The following ULK4 variants were observed in gnomAD, a reference collection of about 807,000 sequenced individuals.
ULK4 encodes the protein inactive serine/threonine-protein kinase ULK4.
In ULK4, 133 loss-of-function variants were observed where a neutral mutation model predicts 160.6. That is an observed-to-expected ratio of 0.83 (90% CI 0.72 to 0.96). The LOEUF is 0.96. Among genes scored for constraint, ULK4 ranks in the 40% least tolerant of loss-of-function variants. The pLI, the probability that ULK4 is intolerant of heterozygous loss-of-function variation, is 0.00. For synonymous variants in ULK4, 534 were observed against 539.8 expected (o/e 0.99, Z 0.15); for missense variants, 1,580 against 1,499.5 (o/e 1.05, Z -0.89).
At chr3:41,650,943 T>C (rs1421592958) in intron 30 of ULK4, among the ~76,000 whole-genome samples, 1 of 152,142 alleles carries the variant, frequency 6.6e-6, no homozygotes, top group Non-Finnish European at 1.5e-5. Context: ...TAAAAACAAA[T>C]GAAAAACCTC....
intron 31 of ULK4, among the ~76,000 whole-genome samples, chr3:41,580,364 A>C (rs1422801708): frequency 6.6e-6 from 1 of 151,516 alleles, no homozygotes; most frequent in Non-Finnish European, 1.5e-5. Flanking sequence ...TAACAAGTTA[A>C]ACCAATTATT....
intron 32 of ULK4, among the ~76,000 whole-genome samples, chr3:41,544,973 C>T (rs536895112): frequency 1.2e-4 from 19 of 152,312 alleles, no homozygotes; most frequent in African/African-American, 4.1e-4. Context: ...ACTGTTCTTA[C>T]TGAGATTCAT....
chr3:41,552,336 T>A lies in ULK4; in HGVS notation c.3226+13689A>T, dbSNP rs755318336. On this transcript the variant is annotated intron_variant, in intron 32 of 36. Coordinates refer to ENST00000301831, the MANE Select transcript of ULK4 (RefSeq NM_017886.4). Reference sequence around the variant, plus strand: ...AAGTCGAATTGTCCCTCTTTGCTAATGATATAATCTTATATCTAAAAATAA... The same window carrying A: ...AAGTCGAATTGTCCCTCTTTGCTAAAGATATAATCTTATATCTAAAAATAA... Among the ~76,000 whole-genome samples, 6 of 152,158 alleles carry A rather than the reference T, an allele frequency of 3.9e-5. 1 individual carries two copies. The Middle Eastern group carries it at 0.014, about 345-fold the overall frequency.
chr3:41,883,065 A>T (rs1028423518), intron 17 of ULK4, among the ~76,000 whole-genome samples: 4 of 152,200 alleles, frequency 2.6e-5, no homozygotes, highest in Non-Finnish European at 4.4e-5. Flanking sequence ...GGAAATAGAG[A>T]TGGAATTGTA....
At chr3:41,321,509 C>T (rs1055251450) in intron 35 of ULK4, among the ~76,000 whole-genome samples, 1 of 152,060 alleles carries the variant, frequency 6.6e-6, no homozygotes, top group African/African-American at 2.4e-5. Flanking sequence ...GGGCAGGAGA[C>T]TCCCCACACC....
chr3:41,249,627 T>G, intron 35 of ULK4, 53 bp from the exon 36 acceptor site: 1 of 1,568,394 alleles, frequency 6.4e-7, no homozygotes, highest in Non-Finnish European at 8.7e-7. Context: ...CCCTGACTCA[T>G]GCCCTGTTGG....
chr3:41,767,394 CAAT>C (rs2039203359), intron 21 of ULK4, among the ~76,000 whole-genome samples: 1 of 152,054 alleles, frequency 6.6e-6, no homozygotes, highest in Non-Finnish European at 1.5e-5. Flanking sequence ...AAAAAATCTA[CAAT>C]GTTTATAAAA....
At chr3:41,409,029 G>A (rs2082355825) in intron 34 of ULK4, among the ~76,000 whole-genome samples, 2 of 152,260 alleles carry the variant, frequency 1.3e-5, no homozygotes. Flanking sequence ...GCAAAGGCAA[G>A]TGGACTGCAT....
At chr3:41,825,206 G>C (rs890066692) in intron 18 of ULK4, among the ~76,000 whole-genome samples, 1 of 138,450 alleles carries the variant, frequency 7.2e-6, no homozygotes, top group African/African-American at 3.1e-5. Context: ...AAACCACAAA[G>C]ATGGAAAAAA....
At chr3:41,791,290 G>A (rs114854097) in intron 20 of ULK4, among the ~76,000 whole-genome samples, 1,896 of 151,962 alleles carry the variant, frequency 0.012, 36 homozygotes, top group African/African-American at 0.041. Context: ...CACCGCATCT[G>A]GCCTATTTGT....
chr3:41,741,462 T>C (rs1415775390), intron 22 of ULK4, among the ~76,000 whole-genome samples: 1 of 151,968 alleles, frequency 6.6e-6, no homozygotes, highest in Non-Finnish European at 1.5e-5. Context: ...CATTATTTAT[T>C]GAAGCATTTC....
In ULK4 at chr3:41,896,935, C is replaced by T. The variant is rs1698180023; in HGVS notation, c.1417G>A (p.Asp473Asn). ...DFLQQVCSQI[D>N]STEKSMGASR... Reference sequence around the variant, plus strand: ...GCCCCCATGCTCTTCTCAGTGGAGTCGATCTGCGAGCACACTTGTTGCAAA... The same window carrying T: ...GCCCCCATGCTCTTCTCAGTGGAGTTGATCTGCGAGCACACTTGTTGCAAA... The change falls in exon 15 of 37, where the codon GAC becomes AAC. Residue 473 changes from aspartate (D) to asparagine (N), a missense_variant. Coordinates refer to ENST00000301831, the MANE Select transcript of ULK4 (RefSeq NM_017886.4). The T allele has an allele frequency of 5.0e-6, 8 of 1,613,270 alleles. No homozygotes were observed. Among genetic ancestry groups the T allele is most frequent in the East Asian group, 4.5e-5 (2 of 44,890 alleles).
chr3:41,842,319 A>G (rs984117739), intron 17 of ULK4, among the ~76,000 whole-genome samples: 4 of 152,144 alleles, frequency 2.6e-5, no homozygotes, highest in South Asian at 2.1e-4. Flanking sequence ...AAGGGAAAAA[A>G]GAAAAAAAAT....
At chr3:41,865,271 T>TAA (rs55741060) in intron 17 of ULK4, among the ~76,000 whole-genome samples, 597 of 29,936 alleles carry the variant, frequency 0.02, 57 homozygotes, top group Non-Finnish European at 0.028. Context: ...ACTCTGTCTT[T>TAA]AAAAAAAAAA....
intron 21 of ULK4, among the ~76,000 whole-genome samples, chr3:41,760,846 G>C (rs189241026): frequency 6.6e-6 from 1 of 152,198 alleles, no homozygotes; most frequent in African/African-American, 2.4e-5. Flanking sequence ...ACCAAAAACA[G>C]TCCACATGTC....
intron 4 of ULK4, among the ~76,000 whole-genome samples, chr3:41,932,696 T>A (rs1287517829): frequency 6.6e-6 from 1 of 152,220 alleles, no homozygotes; most frequent in Non-Finnish European, 1.5e-5. Context: ...TTATTTCCCG[T>A]ATTAAAAGTA....
intron 32 of ULK4, among the ~76,000 whole-genome samples, chr3:41,547,467 A>G (rs1398578977): frequency 1.3e-5 from 2 of 152,148 alleles, no homozygotes; most frequent in African/African-American, 4.8e-5. Flanking sequence ...GTATAGGGAA[A>G]GGATAAGAGA....
intron 35 of ULK4, among the ~76,000 whole-genome samples, chr3:41,387,825 A>C (rs542345046): frequency 8.5e-5 from 13 of 152,214 alleles, no homozygotes. Context: ...ATAGTGCCTC[A>C]GTAAACGTAC....
chr3:41,832,891 G>A lies in ULK4; in HGVS notation c.1764+2973C>T, dbSNP rs1425788199. On this transcript the variant is annotated intron_variant, in intron 18 of 36. Coordinates refer to ENST00000301831, the MANE Select transcript of ULK4 (RefSeq NM_017886.4). ...GGTCTCTGTTCTGTTCCATTGGTCT[G>A]CATGTCTGTTTTGTACCAGTACCAT... 2.0e-5 allele frequency among the ~76,000 whole-genome samples: 3 copies of A among 152,116 alleles called. No homozygotes were observed. In the East Asian group the frequency reaches 5.8e-4, roughly 29 times the overall value.
Sources: gnomAD v4.1 joint callset for allele counts (sites outside exome capture counted in the v4.1 genomes callset) on GRCh38, gnomAD v4.1.1 for gene constraint, MANE v1.5 for transcripts, NCBI Gene and HGNC (gene_info 2026-07-23, HGNC 2026-07-21) for gene names.